The following CHSY1 variants were observed in gnomAD, a reference collection of about 807,000 sequenced individuals.
The protein encoded by CHSY1 is chondroitin sulfate synthase 1, also known as N-acetylgalactosaminyl-proteoglycan 3-beta-glucuronosyltransferase 1.
Under a neutral mutation model 59.8 loss-of-function variants are expected in CHSY1, and 13 were observed. The ratio of observed to expected loss-of-function variants is 0.22; its 90% CI spans 0.14 to 0.35. The LOEUF is 0.35. Among genes scored for constraint, CHSY1 ranks in the 10% least tolerant of loss-of-function variants. The pLI, the probability that CHSY1 is intolerant of heterozygous loss-of-function variation, is 1.00. For missense variants in CHSY1, 947 were observed against 1,030.6 expected, an observed-to-expected ratio of 0.92 and a Z score of 1.11; for synonymous variants, 459 against 401.2, an observed-to-expected ratio of 1.14 and a Z score of -1.72.
In CHSY1 at chr15:101,240,598, G is replaced by A. The variant is rs76578781; in HGVS notation, c.321-5021C>T. ...CCTCCATCACTCTAGGTTTCTAAAC[G>A]CTATTCCTACACTGAGTCAAATCAC... On this transcript the variant is annotated intron_variant, in intron 1 of 2. Transcript: ENST00000254190. Among the ~76,000 whole-genome samples, 1,433 of 152,300 alleles carry A rather than the reference G, an allele frequency of 9.4e-3. 22 individuals are homozygous for A. Among genetic ancestry groups the A allele is most frequent in the African/African-American group, 0.033 (1,368 of 41,560 alleles).
chr15:101,221,754 G>C (rs768987815), intron 2 of CHSY1, among the ~76,000 whole-genome samples: 43 of 152,298 alleles, frequency 2.8e-4, no homozygotes, highest in Non-Finnish European at 5.0e-4. Context: ...AGACGGCACA[G>C]ACATGTTAAC....
At chr15:101,201,458 G>C (rs2038573633) in intron 2 of CHSY1, among the ~76,000 whole-genome samples, 1 of 152,200 alleles carries the variant, frequency 6.6e-6, no homozygotes, top group Non-Finnish European at 1.5e-5. Flanking sequence ...TAAGAACAAG[G>C]AGGAAGCCAA....
At chr15:101,220,460 C>G (rs1345721045) in intron 2 of CHSY1, among the ~76,000 whole-genome samples, 8 of 152,202 alleles carry the variant, frequency 5.3e-5, no homozygotes, top group Non-Finnish European at 5.9e-5. Context: ...ACCTGTCTCT[C>G]TCCCCACATC....
At chr15:101,189,791 A>ACCCAACCAC (rs1380322890) in intron 2 of CHSY1, among the ~76,000 whole-genome samples, 3 of 152,128 alleles carry the variant, frequency 2.0e-5, no homozygotes, top group Non-Finnish European at 4.4e-5. Context: ...TACTTAAAAA[A>ACCCAACCAC]CCCAACCACC....
intron 2 of CHSY1, 75 bp from the exon 3 acceptor site, chr15:101,179,055 A>T: frequency 7.1e-7 from 1 of 1,415,616 alleles, no homozygotes; most frequent in Non-Finnish European, 9.9e-7. Flanking sequence ...AAGAAAATGC[A>T]AATATTAGAA....
intron 2 of CHSY1, among the ~76,000 whole-genome samples, chr15:101,224,778 C>A (rs2038823347): frequency 2.0e-5 from 3 of 152,220 alleles, no homozygotes; most frequent in Non-Finnish European, 4.4e-5. Context: ...GACAACACCG[C>A]CTGAGGTGAA....
intron 2 of CHSY1, among the ~76,000 whole-genome samples, chr15:101,195,948 ATTAAAAAT>A (rs2038502069): frequency 6.6e-6 from 1 of 152,076 alleles, no homozygotes; most frequent in Non-Finnish European, 1.5e-5. Context: ...ATATATAAAT[ATTAAAAAT>A]GGACATACAA....
At chr15:101,218,381 G>GAGGTC (rs2038756011) in intron 2 of CHSY1, among the ~76,000 whole-genome samples, 2 of 152,172 alleles carry the variant, frequency 1.3e-5, no homozygotes, top group Non-Finnish European at 1.5e-5. Flanking sequence ...TGGATCTCCT[G>GAGGTC]AGGTCAGGAG....
Position 101,177,723 on chromosome 15 carries a change from CAT to C in CHSY1, c.2072_2073del (p.Tyr691TrpfsTer9). ...TTATAAATACACGTGATGCCAAACC[CAT>C]AGTTTCTCCAGAAGCCAGTTTTCTG... ...FTQKTGFWRN[Y>X]GFGITCIYKG... On this transcript the variant is annotated frameshift_variant, in exon 3 of 3. Transcript: ENST00000254190. LOFTEE classifies it high-confidence loss of function. 6.2e-7 allele frequency: 1 copy of C among 1,614,206 alleles called. No individual in the cohort carries two copies. Among genetic ancestry groups the C allele is most frequent in the Non-Finnish European group, 8.5e-7 (1 of 1,180,036 alleles).
At chr15:101,228,171 G>GA (rs1420457336) in intron 2 of CHSY1, among the ~76,000 whole-genome samples, 1 of 151,714 alleles carries the variant, frequency 6.6e-6, no homozygotes, top group African/African-American at 2.4e-5. Flanking sequence ...ACAGGCAGAG[G>GA]AAAGAATCCA....
At chr15:101,206,227 C>T (rs1456537885) in intron 2 of CHSY1, among the ~76,000 whole-genome samples, 1 of 152,242 alleles carries the variant, frequency 6.6e-6, no homozygotes, top group Non-Finnish European at 1.5e-5. Flanking sequence ...TAGGGCTGCA[C>T]AGGCATGGTG....
intron 2 of CHSY1, among the ~76,000 whole-genome samples, chr15:101,218,772 T>A (rs139895309): frequency 1.3e-5 from 2 of 152,130 alleles, no homozygotes; most frequent in African/African-American, 4.8e-5. Context: ...AACCCCTCTA[T>A]GAGGCCCAAC....
chr15:101,241,739 A>G (rs376590446), intron 1 of CHSY1, among the ~76,000 whole-genome samples: 11 of 152,354 alleles, frequency 7.2e-5, no homozygotes, highest in African/African-American at 2.2e-4. Context: ...AAAAGGACTC[A>G]TGATAAAATC....
intron 1 of CHSY1, among the ~76,000 whole-genome samples, chr15:101,246,606 A>G (rs2039055473): frequency 6.6e-6 from 1 of 152,262 alleles, no homozygotes; most frequent in South Asian, 2.1e-4. Flanking sequence ...AATTCTGAGC[A>G]TGACGAAGAT....
chr15:101,195,772 C>T (rs2038498163), intron 2 of CHSY1, among the ~76,000 whole-genome samples: 2 of 150,086 alleles, frequency 1.3e-5, no homozygotes, highest in South Asian at 4.2e-4. Context: ...TTGCAGTGAG[C>T]CGAGATAGTG....
At chr15:101,204,812 C>A (rs2038608536) in intron 2 of CHSY1, among the ~76,000 whole-genome samples, 1 of 152,050 alleles carries the variant, frequency 6.6e-6, no homozygotes, top group African/African-American at 2.4e-5. Flanking sequence ...GGCTGAGGCA[C>A]AAGAATTGCT....
chr15:101,247,394 TG>T (rs2039062299), intron 1 of CHSY1, among the ~76,000 whole-genome samples: 1 of 152,186 alleles, frequency 6.6e-6, no homozygotes, highest in African/African-American at 2.4e-5. Context: ...AGGACACACT[TG>T]CCCTGCCCCA....
Position 101,236,779 on chromosome 15 carries a change from C to T in CHSY1, c.321-1202G>A, listed in dbSNP as rs544793900. On this transcript the variant is annotated intron_variant, in intron 1 of 2. Transcript: ENST00000254190. ...GGCGAAGCTTGCAGCGAGCCGAGAT[C>T]GTGCCACTGCACTCCAGCCTGGGAG... is the stretch of plus-strand genomic sequence containing the variant. Among the ~76,000 whole-genome samples the T allele has an allele frequency of 1.6e-3, 244 of 152,244 alleles. 1 individual carries two copies. The highest frequency in any genetic ancestry group is 3.1e-3 in the Non-Finnish European group (212 of 68,016).
At position 101,198,474 on chromosome 15, in the gene CHSY1, C is replaced by T. The variant is rs565676686; in HGVS notation, c.817-19494G>A. Among the ~76,000 whole-genome samples, 5 of 152,280 alleles carry T rather than the reference C, an allele frequency of 3.3e-5. No homozygotes were observed. In the East Asian group the frequency reaches 5.8e-4, roughly 18 times the overall value. On this transcript the variant is annotated intron_variant, in intron 2 of 2. Coordinates refer to ENST00000254190, the MANE Select transcript of CHSY1 (RefSeq NM_014918.5). ...TACATTAAACACGGGAACCCATGAA[C>T]GAACTATGATTTAAAAGCCAGTTTT... is the stretch of plus-strand genomic sequence containing the variant.
Sources: gnomAD v4.1 joint callset for allele counts (sites outside exome capture counted in the v4.1 genomes callset) on GRCh38, gnomAD v4.1.1 for gene constraint, MANE v1.5 for transcripts, NCBI Gene and HGNC (gene_info 2026-07-23, HGNC 2026-07-21) for gene names.